Variants in PELI2 observed in about 807,000 individuals in gnomAD.
The protein encoded by PELI2 is pellino E3 ubiquitin protein ligase family member 2, also known as E3 ubiquitin-protein ligase pellino homolog 2.
Under a neutral mutation model 42.3 loss-of-function variants are expected in PELI2, and 23 were observed. The observed-to-expected ratio is 0.54, with a 90% CI of 0.39 to 0.77. PELI2 has a LOEUF of 0.77. PELI2 is among the 30% of genes least tolerant of loss of function. The pLI, the probability that PELI2 is intolerant of heterozygous loss-of-function variation, is 0.00. For synonymous variants in PELI2, 245 were observed against 212.2 expected, an observed-to-expected ratio of 1.15 and a Z score of -1.34; for missense variants, 463 against 553.2, an observed-to-expected ratio of 0.84 and a Z score of 1.64.
chr14:56,166,055 C>A (rs1190119829), intron 1 of PELI2, among the ~76,000 whole-genome samples: 1 of 152,004 alleles, frequency 6.6e-6, no homozygotes, highest in Non-Finnish European at 1.5e-5. Flanking sequence ...TCTTCTCTTC[C>A]TTCTTTTCTT....
Position 56,298,059 on chromosome 14 carries a change from A to C in PELI2, c.*893A>C, listed in dbSNP as rs1890069903. The C allele has an allele frequency of 6.6e-6, 1 of 151,782 alleles. No homozygotes were observed. The highest frequency in any genetic ancestry group is 1.5e-5 in the Non-Finnish European group (1 of 67,900). 9.4% of individuals were successfully genotyped at this position (151,782 alleles called of 1,614,324 possible). A position where few individuals can be genotyped will look rare whatever the true frequency, so the allele number is the denominator to read the frequency against. Reference sequence around the variant, plus strand: ...TAAGATTTAAGAATGATTAAAAATAAGCTTTTACTTTTTAAAACCACTTGA... The same window carrying C: ...TAAGATTTAAGAATGATTAAAAATACGCTTTTACTTTTTAAAACCACTTGA... On this transcript the variant is annotated 3_prime_UTR_variant, in exon 6 of 6. Coordinates refer to ENST00000267460, the MANE Select transcript of PELI2 (RefSeq NM_021255.3).
At chr14:56,144,098 A>G (rs1326668809) in intron 1 of PELI2, among the ~76,000 whole-genome samples, 1 of 152,170 alleles carries the variant, frequency 6.6e-6, no homozygotes, top group East Asian at 1.9e-4. Context: ...CGCTGATTCC[A>G]GTCTAACACC....
rs183899801 is a variant in PELI2, at chr14:56,141,909, G to T, written c.77+23172G>T. On this transcript the variant is annotated intron_variant, in intron 1 of 5. Coordinates refer to ENST00000267460, the MANE Select transcript of PELI2 (RefSeq NM_021255.3). Reference sequence around the variant, plus strand: ...TTCATGACAAGGAAAATTCCTTGTAGCGTTGTACAAAGGCCTTGATAAACT... The same window carrying T: ...TTCATGACAAGGAAAATTCCTTGTATCGTTGTACAAAGGCCTTGATAAACT... Among the ~76,000 whole-genome samples, 5 of 152,332 alleles carry T rather than the reference G, an allele frequency of 3.3e-5. 1 individual carries two copies. Among genetic ancestry groups the T allele is most frequent in the African/African-American group, 9.6e-5 (4 of 41,570 alleles).
intron 2 of PELI2, among the ~76,000 whole-genome samples, chr14:56,252,929 C>G (rs746500927): frequency 1.3e-4 from 20 of 152,102 alleles, no homozygotes; most frequent in Non-Finnish European, 2.8e-4. Context: ...GGCCAGTATC[C>G]CTGATGAACA....
chr14:56,292,840 CT>C, intron 5 of PELI2: 1 of 948,508 alleles, frequency 1.1e-6, no homozygotes, highest in Non-Finnish European at 1.3e-6. Context: ...TTGTGCCCTC[CT>C]TTTTTAGCTA....
intron 1 of PELI2, among the ~76,000 whole-genome samples, chr14:56,163,455 A>G (rs1421106888): frequency 4.6e-5 from 7 of 152,106 alleles, no homozygotes; most frequent in Non-Finnish European, 8.8e-5. Context: ...TACCAGTACC[A>G]TGCTGTTTTG....
chr14:56,296,079 T>G (rs575014523), intron 5 of PELI2, among the ~76,000 whole-genome samples: 2 of 152,356 alleles, frequency 1.3e-5, no homozygotes, highest in East Asian at 1.9e-4. Flanking sequence ...GCTTCAAACC[T>G]TAAAAATGAA....
chr14:56,136,928 G>A (rs1050570230), intron 1 of PELI2, among the ~76,000 whole-genome samples: 5 of 152,162 alleles, frequency 3.3e-5, no homozygotes, highest in Non-Finnish European at 7.3e-5. Flanking sequence ...TATAGAATTA[G>A]TGTGTTTCTC....
intron 1 of PELI2, among the ~76,000 whole-genome samples, chr14:56,133,413 G>A (rs1279957436): frequency 1.3e-5 from 2 of 152,170 alleles, no homozygotes; most frequent in Admixed American, 6.6e-5. Flanking sequence ...AGGAGAAACA[G>A]GGTGCTGTCC....
At chr14:56,199,208 G>A (rs1886245608) in intron 2 of PELI2, among the ~76,000 whole-genome samples, 2 of 152,326 alleles carry the variant, frequency 1.3e-5, no homozygotes, top group South Asian at 4.1e-4. Context: ...CCCCATGAGA[G>A]TCATCATGTG....
At chr14:56,236,551 C>G (rs74918011) in intron 2 of PELI2, among the ~76,000 whole-genome samples, 3,482 of 152,244 alleles carry the variant, frequency 0.023, 139 homozygotes, top group African/African-American at 0.08. Flanking sequence ...ATTCTACTCT[C>G]TCTTGTTTTT....
chr14:56,135,983 G>C (rs1883676255), intron 1 of PELI2, among the ~76,000 whole-genome samples: 1 of 152,112 alleles, frequency 6.6e-6, no homozygotes, highest in South Asian at 2.1e-4. Flanking sequence ...GATGGATGAG[G>C]CTTACCTCGT....
intron 1 of PELI2, among the ~76,000 whole-genome samples, chr14:56,171,061 C>CAGT (rs1885151260): frequency 6.6e-6 from 1 of 152,186 alleles, no homozygotes; most frequent in Admixed American, 6.5e-5. Flanking sequence ...TTTCATGGGA[C>CAGT]AGTAACTTTT....
intron 1 of PELI2, chr14:56,119,742 A>G (rs1446284166): frequency 3.1e-6 from 3 of 975,412 alleles, no homozygotes; most frequent in Non-Finnish European, 3.7e-6. Context: ...GGGAAGGAAC[A>G]ACTTGGGTTT....
intron 1 of PELI2, chr14:56,119,635 T>G: frequency 3.5e-6 from 1 of 285,958 alleles, no homozygotes; most frequent in Non-Finnish European, 5.3e-6. Flanking sequence ...TTCTATTGTT[T>G]ACCCTTAATA....
At chr14:56,148,406 TAA>T in intron 1 of PELI2, among the ~76,000 whole-genome samples, 1 of 152,312 alleles carries the variant, frequency 6.6e-6, no homozygotes, top group South Asian at 2.1e-4. Context: ...TTCCATGGTG[TAA>T]AAGGACCTTC....
chr14:56,206,651 C>CT, intron 2 of PELI2, among the ~76,000 whole-genome samples: 1 of 152,292 alleles, frequency 6.6e-6, no homozygotes, highest in East Asian at 1.9e-4. Context: ...AAATCCTGGA[C>CT]TTTATCACCA....
intron 1 of PELI2, among the ~76,000 whole-genome samples, chr14:56,145,988 T>A (rs933309202): frequency 2.0e-5 from 3 of 152,226 alleles, no homozygotes; most frequent in African/African-American, 7.2e-5. Flanking sequence ...AATATAAAAC[T>A]ATAAAGTCAT....
intron 2 of PELI2, among the ~76,000 whole-genome samples, chr14:56,245,669 CA>C (rs1888127009): frequency 6.6e-6 from 1 of 152,070 alleles, no homozygotes; most frequent in African/African-American, 2.4e-5. Context: ...TTTTACTAGT[CA>C]AAATAGCAAT....
Sources: gnomAD v4.1 joint callset for allele counts (sites outside exome capture counted in the v4.1 genomes callset) on GRCh38, gnomAD v4.1.1 for gene constraint, MANE v1.5 for transcripts, NCBI Gene and HGNC (gene_info 2026-07-23, HGNC 2026-07-21) for gene names.